The following PLCB1 variants were observed in gnomAD, a reference collection of about 807,000 sequenced individuals.
PLCB1 encodes phospholipase C beta 1, also known as 1-phosphatidylinositol 4,5-bisphosphate phosphodiesterase beta-1.
In PLCB1, 46 loss-of-function variants were observed where a neutral mutation model predicts 161.8. The observed-to-expected ratio is 0.28, with a 90% confidence interval of 0.22 to 0.36. The LOEUF (loss-of-function observed/expected upper bound fraction) is 0.36. PLCB1 is among the 10% of genes least tolerant of loss of function. The pLI is 1.00. For synonymous variants in PLCB1, 517 were observed against 503.7 expected, an observed-to-expected ratio of 1.03 and a Z score of -0.35; for missense variants, 1,016 against 1,472.5, an observed-to-expected ratio of 0.69 and a Z score of 5.07.
intron 3 of PLCB1, among the ~76,000 whole-genome samples, chr20:8,514,060 A>C (rs1343956564): frequency 6.6e-6 from 1 of 151,806 alleles, no homozygotes; most frequent in Non-Finnish European, 1.5e-5. Flanking sequence ...AAGTATTTTA[A>C]ACCTGTCATT....
chr20:8,859,630 A>G (rs975438741), intron 31 of PLCB1, among the ~76,000 whole-genome samples: 7 of 151,746 alleles, frequency 4.6e-5, no homozygotes, highest in Admixed American at 6.6e-5. Flanking sequence ...TATTTTTTCA[A>G]TCTTTCTGGA....
At chr20:8,270,586 A>G (rs1409947262) in intron 2 of PLCB1, among the ~76,000 whole-genome samples, 1 of 152,150 alleles carries the variant, frequency 6.6e-6, no homozygotes, top group Non-Finnish European at 1.5e-5. Flanking sequence ...ATTGATAGAT[A>G]AGTAGATTGA....
At chr20:8,626,772 C>T (rs1476859262) in intron 3 of PLCB1, among the ~76,000 whole-genome samples, 1 of 152,270 alleles carries the variant, frequency 6.6e-6, no homozygotes. Context: ...CACAAAATTA[C>T]AAGTACTAAT....
At chr20:8,236,883 A>C (rs1010514904) in intron 2 of PLCB1, among the ~76,000 whole-genome samples, 2 of 152,094 alleles carry the variant, frequency 1.3e-5, no homozygotes, top group Non-Finnish European at 2.9e-5. Context: ...GAAAGTTATT[A>C]ATTTCAGCAA....
At chr20:8,186,101 T>G (rs189275200) in intron 2 of PLCB1, among the ~76,000 whole-genome samples, 1 of 152,310 alleles carries the variant, frequency 6.6e-6, no homozygotes, top group East Asian at 1.9e-4. Flanking sequence ...GAATTTTTTT[T>G]GAGGTGGAAA....
At chr20:8,727,001 G>A (rs1261403579) in intron 16 of PLCB1, among the ~76,000 whole-genome samples, 1 of 151,936 alleles carries the variant, frequency 6.6e-6, no homozygotes, top group Admixed American at 6.6e-5. Flanking sequence ...CGGGGTCCCT[G>A]CTCTTTTGAC....
chr20:8,158,189 A>G (rs2051583120), intron 2 of PLCB1, among the ~76,000 whole-genome samples: 1 of 152,250 alleles, frequency 6.6e-6, no homozygotes, highest in South Asian at 2.1e-4. Context: ...TGTTACGGAG[A>G]AAATTCCTTT....
chr20:8,214,056 G>A (rs1978983287), intron 2 of PLCB1, among the ~76,000 whole-genome samples: 1 of 152,066 alleles, frequency 6.6e-6, no homozygotes, highest in African/African-American at 2.4e-5. Context: ...CCTGATTAAG[G>A]TGACTAAAAA....
chr20:8,374,874 C>CTCTATATTCATA (rs1375257260), intron 3 of PLCB1, among the ~76,000 whole-genome samples: 35 of 152,104 alleles, frequency 2.3e-4, no homozygotes, highest in Non-Finnish European at 7.4e-5. Context: ...AAATATTTAT[C>CTCTATATTCATA]TCTATATTCA....
chr20:8,353,039 C>T (rs1411949886), intron 2 of PLCB1, among the ~76,000 whole-genome samples: 1 of 152,062 alleles, frequency 6.6e-6, no homozygotes, highest in Non-Finnish European at 1.5e-5. Context: ...ATGAGCATAA[C>T]CAGCCCCCTG....
intron 9 of PLCB1, among the ~76,000 whole-genome samples, chr20:8,675,841 C>T (rs1056665959): frequency 3.3e-5 from 5 of 152,104 alleles, no homozygotes. Context: ...ATTGATCATC[C>T]GTGTGAAAAC....
At chr20:8,809,166 A>AT (rs752936424) in intron 31 of PLCB1, among the ~76,000 whole-genome samples, 58 of 151,432 alleles carry the variant, frequency 3.8e-4, no homozygotes, top group African/African-American at 9.7e-4. Context: ...CACTTGGCTG[A>AT]TTTTTTTTTA....
At chr20:8,297,482 G>A (rs1344751623) in intron 2 of PLCB1, among the ~76,000 whole-genome samples, 2 of 152,130 alleles carry the variant, frequency 1.3e-5, no homozygotes, top group African/African-American at 2.4e-5. Flanking sequence ...ATATGAAAAA[G>A]CCACTAAATA....
intron 2 of PLCB1, among the ~76,000 whole-genome samples, chr20:8,357,081 T>C (rs1223594194): frequency 6.6e-6 from 1 of 152,198 alleles, no homozygotes; most frequent in Non-Finnish European, 1.5e-5. Context: ...TCTTGGGTGC[T>C]CAAAACCTAT....
At chr20:8,264,556 C>A (rs1981858948) in intron 2 of PLCB1, among the ~76,000 whole-genome samples, 1 of 152,068 alleles carries the variant, frequency 6.6e-6, no homozygotes. Context: ...TTTGCTTGTA[C>A]CAGCAATACC....
At chr20:8,196,923 G>T (rs781451651) in intron 2 of PLCB1, among the ~76,000 whole-genome samples, 2 of 151,790 alleles carry the variant, frequency 1.3e-5, no homozygotes, top group African/African-American at 2.4e-5. Context: ...GCGGTGTTTG[G>T]TTTTTTGTCC....
intron 3 of PLCB1, among the ~76,000 whole-genome samples, chr20:8,535,780 A>G (rs1229117102): frequency 6.6e-6 from 1 of 152,170 alleles, no homozygotes; most frequent in African/African-American, 2.4e-5. Flanking sequence ...TGATATAATA[A>G]AAGAGAAAAT....
intron 17 of PLCB1, 39 bp downstream of exon 17, chr20:8,727,432 G>A: frequency 1.9e-6 from 2 of 1,064,584 alleles, no homozygotes; most frequent in Non-Finnish European, 2.9e-6. Flanking sequence ...AATGAACACA[G>A]CTGAAGTCTT....
chr20:8,742,692 A>G (rs1282316786), intron 23 of PLCB1, among the ~76,000 whole-genome samples: 4 of 152,186 alleles, frequency 2.6e-5, no homozygotes, highest in African/African-American at 4.8e-5. Context: ...CTCATTGCCC[A>G]TGTCATTAAA....
Sources: allele counts gnomAD v4.1 joint callset (sites outside exome capture counted in the v4.1 genomes callset), GRCh38; gene constraint gnomAD v4.1.1; transcripts MANE v1.5; gene names NCBI Gene and HGNC (gene_info 2026-07-23, HGNC 2026-07-21).